Variants in LRFN2 observed in about 807,000 individuals in gnomAD.
LRFN2 encodes leucine-rich repeat and fibronectin type-III domain-containing protein 2.
LRFN2 carries 18 observed loss-of-function variants against 37.3 expected under a neutral mutation model. The ratio of observed to expected loss-of-function variants is 0.48; its 90% CI spans 0.33 to 0.72. The LOEUF is 0.72. LRFN2 is among the 30% of genes least tolerant of loss of function. The pLI, the probability that LRFN2 is intolerant of heterozygous loss-of-function variation, is 0.02. For missense variants in LRFN2, 1,006 were observed against 1,060.7 expected, an observed-to-expected ratio of 0.95 and a Z score of 0.72; for synonymous variants, 556 against 466.6, an observed-to-expected ratio of 1.19 and a Z score of -2.47.
chr6:40,431,144 T>C (rs1412504088), intron 2 of LRFN2, among the ~76,000 whole-genome samples: 1 of 152,064 alleles, frequency 6.6e-6, no homozygotes, highest in Non-Finnish European at 1.5e-5. Context: ...TTACCAAAAC[T>C]GAATAAGTGC....
At chr6:40,457,559 A>G (rs1764259343) in intron 1 of LRFN2, among the ~76,000 whole-genome samples, 1 of 147,530 alleles carries the variant, frequency 6.8e-6, no homozygotes, top group Non-Finnish European at 1.5e-5. Flanking sequence ...AAATCACTTG[A>G]GCCTAGGAGG....
At chr6:40,421,850 A>G (rs1488021516) in intron 2 of LRFN2, among the ~76,000 whole-genome samples, 1 of 152,168 alleles carries the variant, frequency 6.6e-6, no homozygotes, top group Non-Finnish European at 1.5e-5. Context: ...GAAAAGTCAG[A>G]TTTCTGCTAC....
intron 2 of LRFN2, among the ~76,000 whole-genome samples, chr6:40,408,288 G>C (rs1332573902): frequency 1.3e-5 from 2 of 152,180 alleles, no homozygotes; most frequent in Non-Finnish European, 1.5e-5. Context: ...TACCAGGTGA[G>C]CAGGAAGAGG....
chr6:40,573,461 T>C (rs1743876487), intron 1 of LRFN2, among the ~76,000 whole-genome samples: 3 of 152,204 alleles, frequency 2.0e-5, no homozygotes, highest in African/African-American at 7.2e-5. Context: ...GACAGCGTTT[T>C]GTGAGAATGA....
chr6:40,429,988 T>C (rs1763441836), intron 2 of LRFN2, among the ~76,000 whole-genome samples: 2 of 152,206 alleles, frequency 1.3e-5, no homozygotes, highest in African/African-American at 4.8e-5. Context: ...GATGGTGGGA[T>C]TACAGGTAAT....
intron 2 of LRFN2, among the ~76,000 whole-genome samples, chr6:40,413,526 G>A (rs1005336131): frequency 1.1e-4 from 16 of 152,174 alleles, no homozygotes; most frequent in African/African-American, 3.4e-4. Context: ...ACCACGACCC[G>A]GTTTCCTTTC....
chr6:40,444,995 A>T (rs1462983874), intron 1 of LRFN2, among the ~76,000 whole-genome samples: 1 of 147,352 alleles, frequency 6.8e-6, no homozygotes, highest in East Asian at 2.0e-4. Flanking sequence ...TCCTTCCTGC[A>T]CCCCCTCCAC....
chr6:40,580,421 C>T lies in LRFN2; in HGVS notation c.-19+6520G>A, dbSNP rs548767624. Among the ~76,000 whole-genome samples, 30 of 152,208 alleles carry T rather than the reference C, an allele frequency of 2.0e-4. No homozygotes were observed. In the East Asian group the frequency reaches 5.0e-3, roughly 26 times the overall value. On this transcript the variant is annotated intron_variant, in intron 1 of 2. Coordinates refer to ENST00000338305, the MANE Select transcript of LRFN2 (RefSeq NM_020737.3). ...GTGAATCTCCCTGGTCCTTAGTTTC[C>T]CATCTTTAACCAGGGACAAAATATA...
At chr6:40,453,048 G>T (rs182029059) in intron 1 of LRFN2, among the ~76,000 whole-genome samples, 1 of 152,176 alleles carries the variant, frequency 6.6e-6, no homozygotes, top group Non-Finnish European at 1.5e-5. Flanking sequence ...CAAAATAGGT[G>T]ACTCTTCCTC....
In LRFN2 at chr6:40,472,070, G is replaced by GGT. The variant is rs554325701; in HGVS notation, c.-18-38941_-18-38940dup. ...GCAGGGTCCTAAACATGAGCTCCCC[G>GGT]GTGTGTGTGTGCACATGCACGGAAA... On this transcript the variant is annotated intron_variant, in intron 1 of 2. Coordinates refer to ENST00000338305, the MANE Select transcript of LRFN2 (RefSeq NM_020737.3). Among the ~76,000 whole-genome samples the GGT allele has an allele frequency of 1.0e-3, 152 of 152,232 alleles. 2 individuals are homozygous for GGT. The highest frequency in any genetic ancestry group is 4.3e-3 in the Admixed American group (66 of 15,294).
intron 1 of LRFN2, among the ~76,000 whole-genome samples, chr6:40,536,740 C>G (rs1042339915): frequency 1.3e-5 from 2 of 152,156 alleles, no homozygotes; most frequent in Admixed American, 6.5e-5. Context: ...GCTCAGGAGC[C>G]AGAGAAGAAT....
At chr6:40,578,226 T>G (rs1419490750) in intron 1 of LRFN2, among the ~76,000 whole-genome samples, 1 of 152,230 alleles carries the variant, frequency 6.6e-6, no homozygotes, top group Non-Finnish European at 1.5e-5. Flanking sequence ...CGTCTAGTTA[T>G]GCAAGCCTGG....
intron 1 of LRFN2, among the ~76,000 whole-genome samples, chr6:40,495,578 C>T (rs1765206165): frequency 1.3e-5 from 2 of 152,174 alleles, no homozygotes; most frequent in African/African-American, 4.8e-5. Flanking sequence ...TCCTCATGGC[C>T]ATCCATACAG....
chr6:40,539,900 T>C (rs978381583), intron 1 of LRFN2, among the ~76,000 whole-genome samples: 1 of 152,076 alleles, frequency 6.6e-6, no homozygotes, highest in African/African-American at 2.4e-5. Context: ...TCTCCATCTG[T>C]AACCAAGAGA....
intron 1 of LRFN2, among the ~76,000 whole-genome samples, chr6:40,460,143 C>T (rs1199961650): frequency 6.6e-6 from 1 of 152,180 alleles, no homozygotes; most frequent in Non-Finnish European, 1.5e-5. Flanking sequence ...GGAGTCTCCT[C>T]ACAGGGGCTC....
rs191487210 is a variant in LRFN2 at position 40,443,445 on chromosome 6, C to T, written c.-18-10314G>A. ...GCCACAAAAGGGTCAGGATGAGATACGGATCAGGACTTCCACGGCCTTTGA... is the reference window on the plus strand; with the variant it reads ...GCCACAAAAGGGTCAGGATGAGATATGGATCAGGACTTCCACGGCCTTTGA... On this transcript the variant is annotated intron_variant, in intron 1 of 2. Transcript: ENST00000338305. 8.5e-5 allele frequency among the ~76,000 whole-genome samples: 13 copies of T among 152,304 alleles called. No homozygotes were observed. In the South Asian group the frequency reaches 1.0e-3, roughly 12 times the overall value.
chr6:40,581,957 A>G (rs1031881741), intron 1 of LRFN2, among the ~76,000 whole-genome samples: 1 of 152,216 alleles, frequency 6.6e-6, no homozygotes, highest in African/African-American at 2.4e-5. Flanking sequence ...TTCTTTGACT[A>G]AAGCCGCCTT....
intron 2 of LRFN2, among the ~76,000 whole-genome samples, chr6:40,420,070 G>A (rs1430546165): frequency 1.3e-5 from 2 of 152,180 alleles, no homozygotes; most frequent in Non-Finnish European, 2.9e-5. Flanking sequence ...ATCTGGATCA[G>A]CACTCTTAAC....
At position 40,585,815 on chromosome 6, in the gene LRFN2, T is replaced by C. The variant is rs189924966; in HGVS notation, c.-19+1126A>G. On this transcript the variant is annotated intron_variant, in intron 1 of 2. Transcript: ENST00000338305. ...GGCCATGGAGGCCACAGCTGCCACC[T>C]CCCTGAAACATACACATGCGTACAC... Among the ~76,000 whole-genome samples, 336 of 151,734 alleles carry C rather than the reference T, an allele frequency of 2.2e-3. 2 individuals carry two copies. The highest frequency in any genetic ancestry group is 7.6e-3 in the African/African-American group (314 of 41,294).
Sources: allele counts gnomAD v4.1 joint callset (sites outside exome capture counted in the v4.1 genomes callset), GRCh38; gene constraint gnomAD v4.1.1; transcripts MANE v1.5; gene names NCBI Gene and HGNC (gene_info 2026-07-23, HGNC 2026-07-21).